Variants in LRBA observed in about 807,000 individuals in gnomAD.
The protein encoded by LRBA is LPS responsive beige-like anchor protein, also known as lipopolysaccharide-responsive and beige-like anchor protein.
In LRBA, 176 loss-of-function variants were observed where a neutral mutation model predicts 330.0. That is an observed-to-expected ratio of 0.53 (90% confidence interval 0.47 to 0.60). The LOEUF (loss-of-function observed/expected upper bound fraction) is 0.60. LRBA is among the 20% of genes least tolerant of loss of function. The probability of loss-of-function intolerance (pLI) is 0.00; values close to 1 mark genes in which losing one functional copy is unlikely to be tolerated. For synonymous variants in LRBA, 1,230 were observed against 1,193.0 expected, an observed-to-expected ratio of 1.03 and a Z score of -0.64; for missense variants, 3,259 against 3,444.8, an observed-to-expected ratio of 0.95 and a Z score of 1.35.
intron 40 of LRBA, among the ~76,000 whole-genome samples, chr4:150,568,750 T>C (rs1769473766): frequency 6.6e-6 from 1 of 152,120 alleles, no homozygotes; most frequent in Admixed American, 6.6e-5. Context: ...ATCAAAAGCA[T>C]TCTAAAACTC....
chr4:150,819,404 T>C lies in LRBA; in HGVS notation c.5172-2147A>G, dbSNP rs577299126. Among the ~76,000 whole-genome samples, 10 of 151,826 alleles carry C rather than the reference T, an allele frequency of 6.6e-5. No homozygotes were observed. The South Asian group carries it at 1.7e-3, about 25-fold the overall frequency. On this transcript the variant is annotated intron_variant, in intron 30 of 56. Transcript: ENST00000651943. ...CACTTAAGACCTGTGTCTTTCATTG[T>C]ATGTAAATTTTAGCTCAAAAAAAAA...
At chr4:150,931,040 T>G (rs1021989945) in intron 2 of LRBA, among the ~76,000 whole-genome samples, 1 of 152,258 alleles carries the variant, frequency 6.6e-6, no homozygotes, top group Non-Finnish European at 1.5e-5. Context: ...ATATGTTGTT[T>G]GTAAATTTTA....
Position 150,844,167 on chromosome 4 carries a change from C to A in LRBA, c.4502G>T (p.Arg1501Ile). Residue 1501 changes from arginine (R) to isoleucine (I), a missense_variant, in exon 28 of 57, where the codon AGA becomes ATA. Transcript: ENST00000651943. ...GTCCTGTAGAAGCCTGTCAAGATCT[C>A]TTACTGGAGATATACCGCCAGTCAC... is the stretch of plus-strand genomic sequence containing the variant. ...DIVTGGISPV[R>I]DLDRLLQDMD... 3 of 1,611,402 alleles carry A rather than the reference C, an allele frequency of 1.9e-6. No homozygotes were observed. Among genetic ancestry groups the A allele is most frequent in the Non-Finnish European group, 2.5e-6 (3 of 1,178,360 alleles).
chr4:150,828,061 G>A (rs1578910992), intron 30 of LRBA, 119 bp downstream of exon 30: 1 of 776,200 alleles, frequency 1.3e-6, no homozygotes, highest in Non-Finnish European at 2.1e-6. Context: ...GTTAAGTTCT[G>A]AGGGAGTGAA....
chr4:151,014,415 T>A lies in LRBA; in HGVS notation c.216+12A>T, dbSNP rs1273327728. On this transcript the variant is annotated intron_variant, in intron 2 of 56. Coordinates refer to ENST00000651943, the MANE Select transcript of LRBA (RefSeq NM_001364905.1). ...AAAAGAGTATATGCTTATAAAATAT[T>A]CATGGACTTACCAGGTTAAAGACAG... 2 of 1,601,908 alleles carry A rather than the reference T, an allele frequency of 1.2e-6. No homozygotes were observed. The highest frequency in any genetic ancestry group is 2.7e-5 in the African/African-American group (2 of 74,702).
At chr4:150,269,339 C>G (rs1433119861) in intron 56 of LRBA, among the ~76,000 whole-genome samples, 10 of 152,174 alleles carry the variant, frequency 6.6e-5, no homozygotes, top group Non-Finnish European at 1.5e-5. Flanking sequence ...GAAATAATCC[C>G]TCACATATGT....
intron 40 of LRBA, among the ~76,000 whole-genome samples, chr4:150,532,168 A>G (rs1403146787): frequency 6.6e-6 from 1 of 152,194 alleles, no homozygotes; most frequent in Non-Finnish European, 1.5e-5. Flanking sequence ...CTTATCTTTT[A>G]TACCACTTCA....
intron 2 of LRBA, among the ~76,000 whole-genome samples, chr4:150,957,919 G>A (rs1284819205): frequency 1.3e-5 from 2 of 149,274 alleles, no homozygotes; most frequent in Non-Finnish European, 2.9e-5. Flanking sequence ...CACGGTCTTG[G>A]GCAGCTCCGC....
intron 40 of LRBA, among the ~76,000 whole-genome samples, chr4:150,491,650 C>T (rs2152105286): frequency 6.6e-6 from 1 of 152,206 alleles, no homozygotes; most frequent in East Asian, 1.9e-4. Context: ...AGCATAATCT[C>T]CCTATGGGGT....
intron 2 of LRBA, among the ~76,000 whole-genome samples, chr4:150,989,203 G>T (rs1005777311): frequency 4.0e-5 from 6 of 150,494 alleles, no homozygotes; most frequent in Non-Finnish European, 7.4e-5. Flanking sequence ...ATGGGGTTTC[G>T]CCATGTTGGC....
At chr4:150,581,053 T>G (rs1401286039) in intron 40 of LRBA, 1 of 156,032 alleles carries the variant, frequency 6.4e-6, no homozygotes, top group East Asian at 1.9e-4. Context: ...TTGTTTTTCA[T>G]TAAGTTTGAA....
At chr4:150,322,360 T>G (rs978762523) in intron 49 of LRBA, among the ~76,000 whole-genome samples, 2 of 152,210 alleles carry the variant, frequency 1.3e-5, no homozygotes, top group Non-Finnish European at 2.9e-5. Context: ...TGTGGTGGTG[T>G]GCTATCATAC....
Position 150,271,709 on chromosome 4 carries a change from G to A in LRBA, c.8469-5897C>T, listed in dbSNP as rs115355816. The stretch of plus-strand genomic sequence containing the variant: ...CGCCATTGGTGAGGCTTGAGTAGGT[G>A]GTTTTACCCTCACGGTGTAAACAAA... On this transcript the variant is annotated intron_variant, in intron 56 of 56. Coordinates refer to ENST00000651943, the MANE Select transcript of LRBA (RefSeq NM_001364905.1). 7.3e-3 allele frequency among the ~76,000 whole-genome samples: 1,119 copies of A among 152,256 alleles called. 9 individuals are homozygous for A. The highest frequency in any genetic ancestry group is 0.026 in the African/African-American group (1,074 of 41,522).
intron 37 of LRBA, among the ~76,000 whole-genome samples, chr4:150,640,463 T>C (rs889125401): frequency 2.6e-5 from 4 of 152,198 alleles, no homozygotes; most frequent in Non-Finnish European, 5.9e-5. Context: ...TTTATTTCTC[T>C]TGTTATGGTA....
chr4:150,281,954 C>T (rs1485936076), intron 55 of LRBA, among the ~76,000 whole-genome samples: 1 of 152,194 alleles, frequency 6.6e-6, no homozygotes, highest in Non-Finnish European at 1.5e-5. Context: ...AGCCCAGCTT[C>T]TTTAACATGT....
At chr4:150,815,922 T>TA (rs892131850) in intron 31 of LRBA, among the ~76,000 whole-genome samples, 6 of 152,022 alleles carry the variant, frequency 3.9e-5, no homozygotes, top group Admixed American at 6.6e-5. Context: ...ATAAAATTTG[T>TA]AAAAAAATTA....
intron 37 of LRBA, among the ~76,000 whole-genome samples, chr4:150,624,796 T>TTATATTGTACATAAATATG: frequency 6.6e-6 from 1 of 152,176 alleles, no homozygotes. Flanking sequence ...TTTCAAAACA[T>TTATATTGTACATAAATATG]TATATTGTAC....
chr4:150,696,958 G>C (rs1463794233), intron 36 of LRBA, among the ~76,000 whole-genome samples: 4 of 151,054 alleles, frequency 2.6e-5, no homozygotes, highest in African/African-American at 9.8e-5. Context: ...AGGCTGTACT[G>C]AGCCGAGACT....
In LRBA at chr4:150,507,979, C is replaced by CA. The variant is rs541494885; in HGVS notation, c.6331-16945dup. On this transcript the variant is annotated intron_variant, in intron 40 of 56. Transcript: ENST00000651943. ...ATTCTCAGCAAACTATTGCCAAGGA[C>CA]AAAAAACCAAACACCGCATGTTCTC... 4.3e-3 allele frequency among the ~76,000 whole-genome samples: 632 copies of CA among 146,482 alleles called. 3 individuals carry two copies. The highest frequency in any genetic ancestry group is 0.015 in the African/African-American group (611 of 39,602).
Sources: allele counts gnomAD v4.1 joint callset (sites outside exome capture counted in the v4.1 genomes callset), GRCh38; gene constraint gnomAD v4.1.1; transcripts MANE v1.5; gene names NCBI Gene and HGNC (gene_info 2026-07-23, HGNC 2026-07-21).